The following ITGA1 variants were observed in gnomAD, a reference collection of about 807,000 sequenced individuals.
The protein encoded by ITGA1 is integrin subunit alpha 1.
Under a neutral mutation model 145.9 loss-of-function variants are expected in ITGA1, and 85 were observed. That is an observed-to-expected ratio of 0.58 (90% confidence interval 0.49 to 0.70). ITGA1 has a LOEUF of 0.70. Ranked by LOEUF, ITGA1 falls within the 30% of genes least tolerant of loss-of-function variation. ITGA1 has a pLI of 0.00. For missense variants in ITGA1, 1,351 were observed against 1,418.7 expected, an observed-to-expected ratio of 0.95 and a Z score of 0.77; for synonymous variants, 520 against 495.3, an observed-to-expected ratio of 1.05 and a Z score of -0.66.
Position 52,939,696 on chromosome 5 carries a change from ATTAAGACAAGTGCTATTT to A in ITGA1, c.3180+9_3180+26del, listed in dbSNP as rs752629172. The A allele has an allele frequency of 2.2e-5, 35 of 1,598,102 alleles. No individual in the cohort carries two copies. The South Asian group carries it at 3.8e-4, about 17-fold the overall frequency. Reference sequence around the variant, plus strand: ...CTCAAACGAGGCACAATTCTGGTAAATTAAGACAAGTGCTATTTTTACCTTTTGCTTTCCAAATGAATA... The same window carrying A: ...CTCAAACGAGGCACAATTCTGGTAAATTACCTTTTGCTTTCCAAATGAATA... On this transcript the variant is annotated splice_donor_region_variant and intron_variant, in intron 25 of 28. Transcript: ENST00000282588.
chr5:52,800,284 A>T (rs537494691), intron 1 of ITGA1: 1 of 1,195,930 alleles, frequency 8.4e-7, no homozygotes, highest in African/African-American at 1.5e-5. Context: ...AAGTGCCCTT[A>T]GAAACCGGGC....
chr5:52,813,021 T>C (rs952525149), intron 1 of ITGA1, among the ~76,000 whole-genome samples: 27 of 152,132 alleles, frequency 1.8e-4, no homozygotes, highest in Non-Finnish European at 1.3e-4. Context: ...CTTTATAATA[T>C]TTTTATTTCT....
In ITGA1 at chr5:52,925,383, G is replaced by T; in HGVS notation, c.2509G>T (p.Asp837Tyr). 6.2e-7 allele frequency: 1 copy of T among 1,614,078 alleles called. No homozygotes were observed. Among genetic ancestry groups the T allele is most frequent in the South Asian group, 1.1e-5 (1 of 91,082 alleles). Residue 837 changes from aspartate to tyrosine, a missense_variant, in exon 19 of 29, where the codon GAT (aspartate) becomes TAT (tyrosine). Transcript: ENST00000282588. ...KDLLIVRSQN[D>Y]KFNVSLTVKN... ...CCTGCTGATTGTCCGATCCCAGAAT[G>T]ATAAGTTCAACGTTAGCCTCACAGT...
chr5:52,888,724 A>G (rs10940275), intron 8 of ITGA1, among the ~76,000 whole-genome samples: 53,658 of 152,102 alleles, frequency 0.35, 9,595 homozygotes, highest in Admixed American at 0.43. Context: ...CTTCTTCAAA[A>G]CAGCTTGCAG....
At position 52,911,751 on chromosome 5, in the gene ITGA1, C is replaced by CATATAGTGTATCTACTATATATACTATAT. The variant is rs1275885578; in HGVS notation, c.1857+1364_1857+1392dup. ...TAGTGTATCTACTATATATACTATA[C>CATATAGTGTATCTACTATATATACTATAT]ATATAGTGTATCTACTATATATACT... On this transcript the variant is annotated intron_variant, in intron 14 of 28. Coordinates refer to ENST00000282588, the MANE Select transcript of ITGA1 (RefSeq NM_181501.2). Among the ~76,000 whole-genome samples, 34 of 133,424 alleles carry CATATAGTGTATCTACTATATATACTATAT rather than the reference C, an allele frequency of 2.5e-4. No individual in the cohort carries two copies. The South Asian group carries it at 5.5e-3, about 21-fold the overall frequency. 87.5% of individuals were successfully genotyped at this position (133,424 alleles called of 152,430 possible).
rs543139107 is a variant in ITGA1 at position 52,806,960 on chromosome 5, G to T, written c.61+18546G>T. Among the ~76,000 whole-genome samples, 4 of 152,274 alleles carry T rather than the reference G, an allele frequency of 2.6e-5. No individual in the cohort carries two copies. In the East Asian group the frequency reaches 5.8e-4, roughly 22 times the overall value. On this transcript the variant is annotated intron_variant, in intron 1 of 28. Transcript: ENST00000282588. ...AGGTCTTAAATTTTCAGATTTCAGT[G>T]CTAAGGATGATAACATTTATGATAA...
intron 1 of ITGA1, among the ~76,000 whole-genome samples, chr5:52,809,754 T>C (rs190171312): frequency 3.3e-5 from 5 of 152,148 alleles, no homozygotes; most frequent in African/African-American, 7.2e-5. Context: ...GATCTGCCCA[T>C]CTTGTCCTCC....
Position 52,925,334 on chromosome 5 carries a change from G to A in ITGA1, c.2460G>A (p.Leu820=), listed in dbSNP as rs1466997333. The change falls in exon 19 of 29, where the codon CTG becomes CTA. Residue 820 remains leucine, a synonymous_variant. Transcript: ENST00000282588. The part of the protein sequence containing the change: ...NKEKCISDLS[L]HVATTEKDLL... ...AAAAATGTATCTCAGACCTCAGCCT[G>A]CATGTCGCCACCACTGAAAAGGACC... 6.2e-7 allele frequency: 1 copy of A among 1,614,068 alleles called. No individual in the cohort carries two copies. Among genetic ancestry groups the A allele is most frequent in the South Asian group, 1.1e-5 (1 of 91,086 alleles).
In ITGA1 at chr5:52,788,314, C is replaced by G. The variant is rs751928489; in HGVS notation, c.-40C>G. The G allele has an allele frequency of 6.8e-7, 1 of 1,473,804 alleles. No individual in the cohort carries two copies. The highest frequency in any genetic ancestry group is 9.0e-7 in the Non-Finnish European group (1 of 1,115,338). The allele number at this position is 1,473,804 out of a possible 1,614,324, so 91.3% of individuals were successfully genotyped here. A position where few individuals can be genotyped will look rare whatever the true frequency, so the allele number is the denominator to read the frequency against. ...AGCTCCCGCGCCCGGTCCTGCCCTG[C>G]GAACCAGCGCGGCCCCCTGGCGCTG... On this transcript the variant is annotated 5_prime_UTR_variant, in exon 1 of 29. Transcript: ENST00000282588.
chr5:52,838,995 G>A (rs1257657129), intron 1 of ITGA1, among the ~76,000 whole-genome samples: 3 of 152,142 alleles, frequency 2.0e-5, no homozygotes, highest in Non-Finnish European at 4.4e-5. Context: ...TACTTGGGAG[G>A]CTGAGGTGGA....
At position 52,925,318 on chromosome 5, in the gene ITGA1, T is replaced by G. The variant is rs941233421; in HGVS notation, c.2444T>G (p.Ile815Ser). The change falls in exon 19 of 29, where the codon ATC becomes AGC. Residue 815 changes from isoleucine (I) to serine (S), a missense_variant. Coordinates refer to ENST00000282588, the MANE Select transcript of ITGA1 (RefSeq NM_181501.2). Reference sequence around the variant, plus strand: ...GATTGTGGAAATAAGGAAAAATGTATCTCAGACCTCAGCCTGCATGTCGCC... The same window carrying G: ...GATTGTGGAAATAAGGAAAAATGTAGCTCAGACCTCAGCCTGCATGTCGCC... ...AKDCGNKEKC[I>S]SDLSLHVATT... The G allele has an allele frequency of 5.6e-6, 9 of 1,614,128 alleles. No individual in the cohort carries two copies. Among genetic ancestry groups the G allele is most frequent in the Non-Finnish European group, 7.6e-6 (9 of 1,179,988 alleles).
rs1750899168 is a variant in ITGA1 at position 52,931,972 on chromosome 5, CT to C, written c.2772-72del. On this transcript the variant is annotated intron_variant, in intron 21 of 28. Coordinates refer to ENST00000282588, the MANE Select transcript of ITGA1 (RefSeq NM_181501.2). ...TATTTAGTTGCCAGGATAAGCTTCT[CT>C]TTCAAACACTTAGAAATGTCTTTAA... The C allele has an allele frequency of 8.0e-6, 7 of 879,404 alleles. No individual in the cohort carries two copies. The African/African-American group carries it at 8.4e-5, about 11-fold the overall frequency. The allele number at this position is 879,404 out of a possible 1,614,324, so 54.5% of individuals were successfully genotyped here. A position where few individuals can be genotyped will look rare whatever the true frequency, so the allele number is the denominator to read the frequency against.
At chr5:52,912,715 T>TA (rs1750583378) in intron 14 of ITGA1, among the ~76,000 whole-genome samples, 2 of 24,804 alleles carry the variant, frequency 8.1e-5, no homozygotes, top group Non-Finnish European at 1.5e-4. Flanking sequence ...ATATATAGTG[T>TA]GTGTGTGTGT....
Position 52,956,688 on chromosome 5 carries a change from G to C in ITGA1, c.*4237G>C, listed in dbSNP as rs944268024. On this transcript the variant is annotated 3_prime_UTR_variant, in exon 29 of 29. Coordinates refer to ENST00000282588, the MANE Select transcript of ITGA1 (RefSeq NM_181501.2). Reference sequence around the variant, plus strand: ...CGCCTGGGGAAGCTAGCAGGATTTAGCTCTTCAATGGCCCTCCAAATGCAC... The same window carrying C: ...CGCCTGGGGAAGCTAGCAGGATTTACCTCTTCAATGGCCCTCCAAATGCAC... The C allele has an allele frequency of 6.6e-6, 1 of 152,176 alleles. No homozygotes were observed. The highest frequency in any genetic ancestry group is 6.5e-5 in the Admixed American group (1 of 15,278). The allele number at this position is 152,176 out of a possible 1,614,324, so 9.4% of individuals were successfully genotyped here. A position where few individuals can be genotyped will look rare whatever the true frequency, so the allele number is the denominator to read the frequency against.
intron 1 of ITGA1, chr5:52,801,325 C>T (rs1748476515): frequency 3.1e-5 from 38 of 1,237,796 alleles, no homozygotes; most frequent in Admixed American, 6.8e-5. Flanking sequence ...GCCTTACTAG[C>T]GCTTTTGGCT....
chr5:52,839,469 G>C (rs558252137), intron 1 of ITGA1, among the ~76,000 whole-genome samples: 1 of 152,250 alleles, frequency 6.6e-6, no homozygotes, highest in African/African-American at 2.4e-5. Context: ...TTAGGTAACT[G>C]GTTACTGTCT....
intron 11 of ITGA1, chr5:52,903,013 C>A (rs1750340444): frequency 6.6e-6 from 1 of 152,142 alleles, no homozygotes; most frequent in Admixed American, 6.6e-5. Flanking sequence ...TCTTTAGACA[C>A]CCAAGCCTCA....
chr5:52,864,248 T>G (rs1749650124), intron 3 of ITGA1, among the ~76,000 whole-genome samples: 1 of 152,208 alleles, frequency 6.6e-6, no homozygotes, highest in African/African-American at 2.4e-5. Context: ...TATCAAAACT[T>G]TCTGGACACT....
At chr5:52,926,078 G>A (rs1325478387) in intron 19 of ITGA1, among the ~76,000 whole-genome samples, 1 of 151,932 alleles carries the variant, frequency 6.6e-6, no homozygotes, top group Non-Finnish European at 1.5e-5. Context: ...GAATCCCACT[G>A]AGTTAAAATT....
Sources: gnomAD v4.1 joint callset for allele counts (sites outside exome capture counted in the v4.1 genomes callset) on GRCh38, gnomAD v4.1.1 for gene constraint, MANE v1.5 for transcripts, NCBI Gene and HGNC (gene_info 2026-07-23, HGNC 2026-07-21) for gene names.